The following CDON variants were observed in gnomAD, a reference collection of about 807,000 sequenced individuals.
The protein encoded by CDON is cell adhesion associated, oncogene regulated.
In CDON, 73 loss-of-function variants were observed where a neutral mutation model predicts 120.9. The observed-to-expected ratio is 0.60, with a 90% CI of 0.50 to 0.73. CDON has a LOEUF of 0.73. CDON is among the 30% of genes least tolerant of loss of function. The pLI, the probability that CDON is intolerant of heterozygous loss-of-function variation, is 0.00. For missense variants in CDON, 1,470 were observed against 1,587.3 expected (o/e 0.93, Z 1.26); for synonymous variants, 566 against 573.5 (o/e 0.99, Z 0.19).
chr11:126,036,639 A>G (rs895075352), intron 1 of CDON, among the ~76,000 whole-genome samples: 4 of 152,220 alleles, frequency 2.6e-5, no homozygotes, highest in African/African-American at 4.8e-5. Context: ...TCTGTGCACA[A>G]CATGAGGGTT....
chr11:125,959,616 CAAAA>C lies in CDON; in HGVS notation c.*1322_*1325del, dbSNP rs1281932313. On this transcript the variant is annotated 3_prime_UTR_variant, in exon 20 of 20. Transcript: ENST00000531738. ...CCCAAAACAAACAAACAAAAAAAAACAAAAAACAAACAAACAAAAAAAAACCCTT... is the reference window on the plus strand; with the variant it reads ...CCCAAAACAAACAAACAAAAAAAAACAACAAACAAACAAAAAAAAACCCTT... 6.6e-6 allele frequency: 1 copy of C among 151,566 alleles called. No individual in the cohort carries two copies. Among genetic ancestry groups the C allele is most frequent in the African/African-American group, 2.4e-5 (1 of 41,224 alleles). 9.4% of individuals were successfully genotyped at this position (151,566 alleles called of 1,614,324 possible). A position where few individuals can be genotyped will look rare whatever the true frequency, so the allele number is the denominator to read the frequency against.
intron 1 of CDON, among the ~76,000 whole-genome samples, chr11:126,049,985 A>G (rs772349966): frequency 6.6e-6 from 1 of 152,212 alleles, no homozygotes; most frequent in Non-Finnish European, 1.5e-5. Flanking sequence ...ATTTCTAAGC[A>G]TCCAAGTATT....
At chr11:126,024,364 T>A (rs1266829352) in intron 1 of CDON, among the ~76,000 whole-genome samples, 1 of 152,168 alleles carries the variant, frequency 6.6e-6, no homozygotes, top group Non-Finnish European at 1.5e-5. Context: ...CGGAGACAGA[T>A]GAGGACACAG....
intron 18 of CDON, among the ~76,000 whole-genome samples, chr11:125,965,207 G>A (rs1226395495): frequency 1.3e-5 from 2 of 152,118 alleles, no homozygotes; most frequent in Admixed American, 6.5e-5. Flanking sequence ...CTAGGATTAC[G>A]GGCGTAAGCC....
At chr11:125,966,642 T>A (rs1326572737) in intron 18 of CDON, among the ~76,000 whole-genome samples, 3 of 151,928 alleles carry the variant, frequency 2.0e-5, no homozygotes, top group Non-Finnish European at 4.4e-5. Flanking sequence ...CCAGGCAGAA[T>A]ACAAAGAAAA....
chr11:126,016,668 A>C (rs1026227341), intron 6 of CDON, among the ~76,000 whole-genome samples: 3 of 152,124 alleles, frequency 2.0e-5, no homozygotes, highest in Non-Finnish European at 4.4e-5. Flanking sequence ...CCTGGGCTCA[A>C]GTATTCTGCC....
chr11:125,970,288 C>T (rs774058321), intron 18 of CDON, among the ~76,000 whole-genome samples: 1 of 150,990 alleles, frequency 6.6e-6, no homozygotes, highest in East Asian at 2.0e-4. Context: ...AATTCTCCTG[C>T]CTCAGGCTCC....
chr11:125,970,415 T>C (rs538264042), intron 18 of CDON, among the ~76,000 whole-genome samples: 2 of 152,192 alleles, frequency 1.3e-5, no homozygotes, highest in South Asian at 2.1e-4. Context: ...CCTCGTGATC[T>C]GCCTGCTTCA....
chr11:126,050,487 A>G (rs919011116), intron 1 of CDON, among the ~76,000 whole-genome samples: 2 of 138,870 alleles, frequency 1.4e-5, no homozygotes, highest in African/African-American at 5.7e-5. Context: ...CATTTCCTGT[A>G]AGTAGCAAAC....
intron 14 of CDON, among the ~76,000 whole-genome samples, 182 bp from the exon 15 acceptor site, chr11:125,989,941 T>C (rs2134494746): frequency 6.6e-6 from 1 of 152,260 alleles, no homozygotes; most frequent in Non-Finnish European, 1.5e-5. Context: ...AGCATTTCTA[T>C]TACACGGCAT....
intron 8 of CDON, among the ~76,000 whole-genome samples, chr11:126,008,600 A>G (rs1007067999): frequency 6.6e-6 from 1 of 152,192 alleles, no homozygotes; most frequent in Non-Finnish European, 1.5e-5. Context: ...ATCTAGTTTC[A>G]TCAGCCATAA....
rs1947430952 is a variant in CDON, at chr11:126,015,330, A to G, written c.1109T>C (p.Val370Ala). ...ATACATCCCAACATCTTCCACAGTAACCCCACTGATTTTCAGTCCGTTTCC... is the reference window on the plus strand; with the variant it reads ...ATACATCCCAACATCTTCCACAGTAGCCCCACTGATTTTCAGTCCGTTTCC... ...TAGNGLKISG[V>A]TVEDVGMYQC... The change falls in exon 7 of 20, where the codon GTT becomes GCT. Residue 370 changes from valine to alanine, a missense_variant. Coordinates refer to ENST00000531738, the MANE Select transcript of CDON (RefSeq NM_001378964.1). 13 of 1,614,006 alleles carry G rather than the reference A, an allele frequency of 8.1e-6. No homozygotes were observed. Among genetic ancestry groups the G allele is most frequent in the Non-Finnish European group, 1.1e-5 (13 of 1,179,952 alleles).
intron 1 of CDON, among the ~76,000 whole-genome samples, chr11:126,057,306 CAA>C (rs1367884645): frequency 6.6e-6 from 1 of 152,140 alleles, no homozygotes; most frequent in Non-Finnish European, 1.5e-5. Context: ...TCAAACCGCA[CAA>C]AAGACTCTAC....
At chr11:125,991,541 T>C (rs1335475321) in intron 14 of CDON, among the ~76,000 whole-genome samples, 1 of 152,172 alleles carries the variant, frequency 6.6e-6, no homozygotes, top group Admixed American at 6.5e-5. Context: ...GGAACCTAAT[T>C]CAGAAAATAG....
chr11:126,053,980 A>G (rs118159743), intron 1 of CDON, among the ~76,000 whole-genome samples: 42 of 152,224 alleles, frequency 2.8e-4, no homozygotes, highest in Non-Finnish European at 5.7e-4. Context: ...TTGCAATGCT[A>G]TTTTTCTTTT....
At chr11:126,022,883 G>A (rs1211334786) in intron 2 of CDON, among the ~76,000 whole-genome samples, 1 of 152,154 alleles carries the variant, frequency 6.6e-6, no homozygotes, top group Non-Finnish European at 1.5e-5. Flanking sequence ...TCTTAGGCAT[G>A]GGGCTTACAT....
Position 126,015,623 on chromosome 11 carries a change from T to C in CDON, c.929-113A>G, listed in dbSNP as rs956759391. On this transcript the variant is annotated intron_variant, in intron 6 of 19. Transcript: ENST00000531738. ...AATAACCAGTTGAAACAAAGTTGCA[T>C]TGTTTATTCACATTCTTCTGTCTGC... 2.7e-6 allele frequency: 3 copies of C among 1,114,426 alleles called. No individual in the cohort carries two copies. In the African/African-American group the frequency reaches 4.7e-5, roughly 17 times the overall value. 69.0% of individuals were successfully genotyped at this position (1,114,426 alleles called of 1,614,324 possible). A position where few individuals can be genotyped will look rare whatever the true frequency, so the allele number is the denominator to read the frequency against.
Position 125,981,516 on chromosome 11 carries a change from A to G in CDON, c.2996-187T>C, listed in dbSNP as rs624547. Among the ~76,000 whole-genome samples, 47,905 of 152,074 alleles carry G rather than the reference A, an allele frequency of 0.32. 8,313 individuals carry two copies. Among genetic ancestry groups the G allele is most frequent in the African/African-American group, 0.46 (19,070 of 41,434 alleles). On this transcript the variant is annotated intron_variant, in intron 16 of 19. Coordinates refer to ENST00000531738, the MANE Select transcript of CDON (RefSeq NM_001378964.1). ...ATAAAACCCCTACGAAACTACAAAT[A>G]GACTAAAATAAAAACATTTTTAAAA...
intron 1 of CDON, among the ~76,000 whole-genome samples, chr11:126,031,901 A>C (rs1220868997): frequency 2.0e-5 from 3 of 152,160 alleles, no homozygotes; most frequent in African/African-American, 7.2e-5. Flanking sequence ...TGACAAGCAT[A>C]ATAAACTCAG....
Sources: gnomAD v4.1 joint callset for allele counts (sites outside exome capture counted in the v4.1 genomes callset) on GRCh38, gnomAD v4.1.1 for gene constraint, MANE v1.5 for transcripts, NCBI Gene and HGNC (gene_info 2026-07-23, HGNC 2026-07-21) for gene names.